KCNQ1OT1: variants seen among roughly 807,000 people sequenced by gnomAD.
The protein encoded by KCNQ1OT1 is KCNQ1 antisense RNA 2 (non-protein coding).
Position 2,627,734 on chromosome 11 carries a change from TACACAC to T in KCNQ1OT1, n.72255_72260del. 1 of 397,860 alleles carries T rather than the reference TACACAC, an allele frequency of 2.5e-6. No individual in the cohort carries two copies. The highest frequency in any genetic ancestry group is 4.4e-6 in the Non-Finnish European group (1 of 225,740). 24.6% of individuals were successfully genotyped at this position (397,860 alleles called of 1,614,324 possible). A position where few individuals can be genotyped will look rare whatever the true frequency, so the allele number is the denominator to read the frequency against. The stretch of plus-strand genomic sequence containing the variant: ...ATGTGTTTATTTGGGAATTTGGTGA[TACACAC>T]ACACACACTATTTTCTTCCTTTCTT... On this transcript the variant is annotated non_coding_transcript_exon_variant, in exon 1 of 1. Coordinates refer to ENST00000597346, the Ensembl canonical transcript of KCNQ1OT1. The surrounding 1 kb of genome is among the most constrained non-coding windows in gnomAD (Gnocchi z 4.9).
exon 1 of KCNQ1OT1, chr11:2,667,027 C>T (rs1850085818): frequency 5.0e-6 from 2 of 398,560 alleles, no homozygotes; most frequent in Non-Finnish European, 4.4e-6. Context: ...CGTCAGAGCC[C>T]CACATAGCCC....
At chr11:2,650,597 C>G (rs1309236960) in exon 1 of KCNQ1OT1, 1 of 398,494 alleles carries the variant, frequency 2.5e-6, no homozygotes, top group Non-Finnish European at 4.4e-6. Context: ...CAAGAAGGCT[C>G]CTTAGAGGTA....
exon 1 of KCNQ1OT1, chr11:2,618,128 T>G (rs897091409): frequency 2.5e-6 from 1 of 398,530 alleles, no homozygotes. Flanking sequence ...TTTTCCCCTA[T>G]GTTTTCTTCT....
In KCNQ1OT1 at chr11:2,671,827, T is replaced by C; in HGVS notation, n.28168A>G. 1 of 398,706 alleles carries C rather than the reference T, an allele frequency of 2.5e-6. No homozygotes were observed. Among genetic ancestry groups the C allele is most frequent in the Non-Finnish European group, 4.4e-6 (1 of 226,124 alleles). 24.7% of individuals were successfully genotyped at this position (398,706 alleles called of 1,614,324 possible). A position where few individuals can be genotyped will look rare whatever the true frequency, so the allele number is the denominator to read the frequency against. ...CAAATAAATCCCTGCAACCCCACTG[T>C]GGTTATAGGTCTGAGCCTTCTGCCC... is the stretch of plus-strand genomic sequence containing the variant. On this transcript the variant is annotated non_coding_transcript_exon_variant, in exon 1 of 1. Transcript: ENST00000597346. This position sits in a 1 kb window ranked among gnomAD's most constrained non-coding sequence, Gnocchi z 4.7.
In KCNQ1OT1 at chr11:2,647,299, C is replaced by T; in HGVS notation, n.52696G>A. On this transcript the variant is annotated non_coding_transcript_exon_variant, in exon 1 of 1. Transcript: ENST00000597346. This position sits in a 1 kb window ranked among gnomAD's most constrained non-coding sequence, Gnocchi z 4.0. Reference sequence around the variant, plus strand: ...CATTTATTGATTTGTATATGTTGAACCATCCTTGAATCCCTGGGATAAATC... The same window carrying T: ...CATTTATTGATTTGTATATGTTGAATCATCCTTGAATCCCTGGGATAAATC... The T allele has an allele frequency of 2.5e-6, 1 of 398,400 alleles. No homozygotes were observed. The highest frequency in any genetic ancestry group is 4.4e-6 in the Non-Finnish European group (1 of 226,030). 24.7% of individuals were successfully genotyped at this position (398,400 alleles called of 1,614,324 possible).
At position 2,670,864 on chromosome 11, in the gene KCNQ1OT1, G is replaced by C; in HGVS notation, n.29131C>G. On this transcript the variant is annotated non_coding_transcript_exon_variant, in exon 1 of 1. Coordinates refer to ENST00000597346, the Ensembl canonical transcript of KCNQ1OT1. This position sits in a 1 kb window ranked among gnomAD's most constrained non-coding sequence, Gnocchi z 4.9. The stretch of plus-strand genomic sequence containing the variant: ...GGAGGTCAAAGGTCCTCACTGGCCA[G>C]TGGGCCACTGGGAAGCCTCCTGGAT... The C allele has an allele frequency of 2.5e-6, 1 of 398,646 alleles. No homozygotes were observed. The highest frequency in any genetic ancestry group is 4.4e-6 in the Non-Finnish European group (1 of 226,064). 24.7% of individuals were successfully genotyped at this position (398,646 alleles called of 1,614,324 possible). A position where few individuals can be genotyped will look rare whatever the true frequency, so the allele number is the denominator to read the frequency against.
rs1161492965 is a variant in KCNQ1OT1 at position 2,611,968 on chromosome 11, TTC to T, written n.88025_88026del. ...TACTCAAATATTTTTGTCTGCCCTATTCTCTCCTTCTCAGTACTCTTATTAAC... is the reference window on the plus strand; with the variant it reads ...TACTCAAATATTTTTGTCTGCCCTATTCTCCTTCTCAGTACTCTTATTAAC... On this transcript the variant is annotated non_coding_transcript_exon_variant, in exon 1 of 1. Coordinates refer to ENST00000597346, the Ensembl canonical transcript of KCNQ1OT1. The surrounding 1 kb of genome is among the most constrained non-coding windows in gnomAD (Gnocchi z 5.3). 14 of 398,534 alleles carry T rather than the reference TTC, an allele frequency of 3.5e-5. No homozygotes were observed. The highest frequency in any genetic ancestry group is 2.9e-4 in the African/African-American group (14 of 48,644). The allele number at this position is 398,534 out of a possible 1,614,324, so 24.7% of individuals were successfully genotyped here.
At position 2,621,295 on chromosome 11, in the gene KCNQ1OT1, G is replaced by T. The variant is rs1275439023; in HGVS notation, n.78700C>A. The T allele has an allele frequency of 7.5e-6, 3 of 398,232 alleles. No homozygotes were observed. The highest frequency in any genetic ancestry group is 1.3e-4 in the South Asian group (1 of 7,818). The allele number at this position is 398,232 out of a possible 1,614,324, so 24.7% of individuals were successfully genotyped here. ...GCCTGGCCTCATTATTTGCATTTCT[G>T]ATTATTAGTGATCATGAGAATGTTT... On this transcript the variant is annotated non_coding_transcript_exon_variant, in exon 1 of 1. Transcript: ENST00000597346. This position sits in a 1 kb window ranked among gnomAD's most constrained non-coding sequence, Gnocchi z 5.7.
Position 2,612,153 on chromosome 11 carries a change from T to A in KCNQ1OT1, n.87842A>T, listed in dbSNP as rs1172023946. ...TACCAGTCTGTGGCCTATTAGAAAC[T>A]GGGCTACACAGCAGGAGGTGAGCAG... On this transcript the variant is annotated non_coding_transcript_exon_variant, in exon 1 of 1. Coordinates refer to ENST00000597346, the Ensembl canonical transcript of KCNQ1OT1. The surrounding 1 kb of genome is among the most constrained non-coding windows in gnomAD (Gnocchi z 5.5). 2.3e-5 allele frequency: 9 copies of A among 398,504 alleles called. No individual in the cohort carries two copies. Among genetic ancestry groups the A allele is most frequent in the Non-Finnish European group, 3.5e-5 (8 of 226,068 alleles). 24.7% of individuals were successfully genotyped at this position (398,504 alleles called of 1,614,324 possible).
exon 1 of KCNQ1OT1, chr11:2,689,020 G>GGA: frequency 2.5e-6 from 1 of 398,796 alleles, no homozygotes; most frequent in Non-Finnish European, 4.4e-6. Context: ...TTGGAATCCT[G>GGA]GAGCCCTGGG....
In KCNQ1OT1 at chr11:2,678,763, G is replaced by A. The variant is rs1039258002; in HGVS notation, n.21232C>T. Reference sequence around the variant, plus strand: ...ACAGGAAGCTGGGGTGTTTGGGACTGAGGCTTCATCGTGGCAGCTAATAAT... The same window carrying A: ...ACAGGAAGCTGGGGTGTTTGGGACTAAGGCTTCATCGTGGCAGCTAATAAT... On this transcript the variant is annotated non_coding_transcript_exon_variant, in exon 1 of 1. Transcript: ENST00000597346. The surrounding 1 kb of genome is among the most constrained non-coding windows in gnomAD (Gnocchi z 4.9). 34 of 398,510 alleles carry A rather than the reference G, an allele frequency of 8.5e-5. No homozygotes were observed. The highest frequency in any genetic ancestry group is 6.8e-4 in the African/African-American group (33 of 48,630). The allele number at this position is 398,510 out of a possible 1,614,324, so 24.7% of individuals were successfully genotyped here. A position where few individuals can be genotyped will look rare whatever the true frequency, so the allele number is the denominator to read the frequency against.
At chr11:2,697,477 A>G in exon 1 of KCNQ1OT1, 1 of 398,606 alleles carries the variant, frequency 2.5e-6, no homozygotes, top group Non-Finnish European at 4.4e-6. Flanking sequence ...TATCAAGTTT[A>G]CTGAAAAGTT....
chr11:2,648,223 C>T, exon 1 of KCNQ1OT1: 1 of 398,480 alleles, frequency 2.5e-6, no homozygotes, highest in Non-Finnish European at 4.4e-6. Context: ...GGGGGGAGGC[C>T]TCATTTCATT....
chr11:2,649,355 C>T (rs1849722762), exon 1 of KCNQ1OT1: 3 of 398,146 alleles, frequency 7.5e-6, no homozygotes, highest in Middle Eastern at 6.2e-4. Flanking sequence ...TTTCCTTTCT[C>T]ATTTGTGTAT....
In KCNQ1OT1 at chr11:2,690,787, G is replaced by A. The variant is rs1850575412; in HGVS notation, n.9208C>T. The A allele has an allele frequency of 2.5e-6, 1 of 398,664 alleles. No homozygotes were observed. Among genetic ancestry groups the A allele is most frequent in the South Asian group, 1.3e-4 (1 of 7,852 alleles). The allele number at this position is 398,664 out of a possible 1,614,324, so 24.7% of individuals were successfully genotyped here. ...ATGTGGCCTGGCAGGGGGTCAGCAGGAGGGAGGTCCCTGTCTCCTTGGCTT... is the reference window on the plus strand; with the variant it reads ...ATGTGGCCTGGCAGGGGGTCAGCAGAAGGGAGGTCCCTGTCTCCTTGGCTT... On this transcript the variant is annotated non_coding_transcript_exon_variant, in exon 1 of 1. Coordinates refer to ENST00000597346, the Ensembl canonical transcript of KCNQ1OT1. The surrounding 1 kb of genome is among the most constrained non-coding windows in gnomAD (Gnocchi z 5.1).
exon 1 of KCNQ1OT1, chr11:2,610,222 T>C (rs1203535674): frequency 2.5e-6 from 1 of 397,880 alleles, no homozygotes; most frequent in African/African-American, 2.1e-5. Context: ...CGTCTCAAAA[T>C]TTACTTCATA....
rs925902995 is a variant in KCNQ1OT1, at chr11:2,680,500, A to G, written n.19495T>C. ...TTTTTTAATTTGGGCATTTTTTAAA[A>G]TAAATTTTTATTTTGAGATAATTGT... is the stretch of plus-strand genomic sequence containing the variant. On this transcript the variant is annotated non_coding_transcript_exon_variant, in exon 1 of 1. Transcript: ENST00000597346. 6 of 398,538 alleles carry G rather than the reference A, an allele frequency of 1.5e-5. No individual in the cohort carries two copies. The Admixed American group carries it at 2.2e-4, about 15-fold the overall frequency. 24.7% of individuals were successfully genotyped at this position (398,538 alleles called of 1,614,324 possible). A position where few individuals can be genotyped will look rare whatever the true frequency, so the allele number is the denominator to read the frequency against.
chr11:2,611,208 T>C lies in KCNQ1OT1; in HGVS notation n.88787A>G, dbSNP rs1314218176. 1 of 398,390 alleles carries C rather than the reference T, an allele frequency of 2.5e-6. No individual in the cohort carries two copies. The highest frequency in any genetic ancestry group is 2.1e-5 in the African/African-American group (1 of 48,594). The allele number at this position is 398,390 out of a possible 1,614,324, so 24.7% of individuals were successfully genotyped here. A position where few individuals can be genotyped will look rare whatever the true frequency, so the allele number is the denominator to read the frequency against. ...TGGTTTGTTTTTAAAGTCTATTTTG[T>C]CTGATTTTATTTATTTTTATTTTAT... On this transcript the variant is annotated non_coding_transcript_exon_variant, in exon 1 of 1. Coordinates refer to ENST00000597346, the Ensembl canonical transcript of KCNQ1OT1. The surrounding 1 kb of genome is among the most constrained non-coding windows in gnomAD (Gnocchi z 5.3).
exon 1 of KCNQ1OT1, chr11:2,655,906 G>C (rs993436085): frequency 2.5e-6 from 1 of 398,602 alleles, no homozygotes; most frequent in African/African-American, 2.1e-5. Context: ...GGCCCCATAT[G>C]CCGTTCCCAG....
Sources: allele counts gnomAD v4.1 joint callset, GRCh38; gene constraint gnomAD v4.1.1; non-coding constraint Gnocchi (gnomAD v3.1); transcripts MANE v1.5; gene names NCBI Gene and HGNC (gene_info 2026-07-23, HGNC 2026-07-21).